EXTL1: variants seen among roughly 807,000 people sequenced by gnomAD.
EXTL1 encodes the protein exostosin like glycosyltransferase 1.
A neutral mutation model predicts 64.6 loss-of-function variants in EXTL1; 43 were observed. The ratio of observed to expected loss-of-function variants is 0.67; its 90% confidence interval spans 0.52 to 0.86. The LOEUF is 0.86. Among genes scored for constraint, EXTL1 ranks in the 40% least tolerant of loss-of-function variants. EXTL1 has a pLI of 0.00. For synonymous variants in EXTL1, 352 were observed against 360.5 expected (o/e 0.98, Z 0.27); for missense variants, 766 against 879.0 (o/e 0.87, Z 1.62).
rs370514599 is a variant in EXTL1, at chr1:26,035,699, G to A, written c.*352G>A. The A allele has an allele frequency of 7.7e-4, 186 of 240,230 alleles. No individual in the cohort carries two copies. The highest frequency in any genetic ancestry group is 3.4e-3 in the African/African-American group (150 of 44,698). The allele number at this position is 240,230 out of a possible 1,614,324, so 14.9% of individuals were successfully genotyped here. A position where few individuals can be genotyped will look rare whatever the true frequency, so the allele number is the denominator to read the frequency against. On this transcript the variant is annotated 3_prime_UTR_variant, in exon 11 of 11. Coordinates refer to ENST00000374280, the MANE Select transcript of EXTL1 (RefSeq NM_004455.3). The surrounding 1 kb of genome is among the most constrained non-coding windows in gnomAD (Gnocchi z 5.3). ...TGGGTTCGGTCTCCTTTGCGCTTTC[G>A]CAGTCCAGTGTTTGCCGCGGTTCCC...
Position 26,022,936 on chromosome 1 carries a change from A to T in EXTL1, c.290A>T (p.Lys97Met). 1 of 1,614,128 alleles carries T rather than the reference A, an allele frequency of 6.2e-7. No homozygotes were observed. The highest frequency in any genetic ancestry group is 8.5e-7 in the Non-Finnish European group (1 of 1,180,028). ...DTSKCRGDGL[K>M]VFVYPAVGTI... ...TCAAAGTGCAGGGGCGATGGCCTTAAGGTATTCGTGTACCCAGCGGTTGGA... is the reference window on the plus strand; with the variant it reads ...TCAAAGTGCAGGGGCGATGGCCTTATGGTATTCGTGTACCCAGCGGTTGGA... The change falls in exon 1 of 11, where the codon AAG becomes ATG. Residue 97 changes from lysine to methionine, a missense_variant. Physicochemically the swap from Lys to Met is moderately conservative, Grantham distance 95. This residue lies in a region of EXTL1 where 571 missense variants were observed against 647.6 expected (regional missense o/e 0.88). Coordinates refer to ENST00000374280, the MANE Select transcript of EXTL1 (RefSeq NM_004455.3).
chr1:26,030,696 C>G lies in EXTL1; in HGVS notation c.1101+101C>G, dbSNP rs181909741. On this transcript the variant is annotated intron_variant, in intron 4 of 10. Coordinates refer to ENST00000374280, the MANE Select transcript of EXTL1 (RefSeq NM_004455.3). ...CCACAGTGTTTGGGGAACCCCCCCC[C>G]CTTCCTTGAAGATGGTCCTGGGATG... is the stretch of plus-strand genomic sequence containing the variant. The G allele has an allele frequency of 6.3e-5, 85 of 1,350,106 alleles. 1 individual carries two copies. Among genetic ancestry groups the G allele is most frequent in the South Asian group, 2.5e-4 (17 of 69,362 alleles). The allele number at this position is 1,350,106 out of a possible 1,614,324, so 83.6% of individuals were successfully genotyped here.
chr1:26,030,330 C>CTTTTTTTTT (rs1213800896), intron 3 of EXTL1, 146 bp from the exon 4 acceptor site: 1 of 363,338 alleles, frequency 2.8e-6, no homozygotes, highest in African/African-American at 2.6e-5. Context: ...CTGAATGCTT[C>CTTTTTTTTT]TTTTTTTTTT....
chr1:26,031,691 A>G (rs2050289349), intron 6 of EXTL1, 125 bp downstream of exon 6: 2 of 509,232 alleles, frequency 3.9e-6, no homozygotes, highest in Non-Finnish European at 3.3e-6. Flanking sequence ...GAAGATTTCC[A>G]AGTGTTCTTG....
rs762045887 is a variant in EXTL1, at chr1:26,033,481, G to A, written c.1518+166G>A. Among the ~76,000 whole-genome samples, 3 of 152,154 alleles carry A rather than the reference G, an allele frequency of 2.0e-5. No individual in the cohort carries two copies. Among genetic ancestry groups the A allele is most frequent in the Non-Finnish European group, 4.4e-5 (3 of 68,018 alleles). ...AGGCAGCCTCCTCTTTAGGAGTCTCGTTGAGGCTTTCCATGGACTCTTTTG... is the reference window on the plus strand; with the variant it reads ...AGGCAGCCTCCTCTTTAGGAGTCTCATTGAGGCTTTCCATGGACTCTTTTG... On this transcript the variant is annotated intron_variant, in intron 8 of 10. Transcript: ENST00000374280. The surrounding 1 kb of genome is among the most constrained non-coding windows in gnomAD (Gnocchi z 5.1).
Position 26,025,046 on chromosome 1 carries a change from C to T in EXTL1, c.779+1621C>T, listed in dbSNP as rs964377696. 4.7e-4 allele frequency among the ~76,000 whole-genome samples: 72 copies of T among 152,124 alleles called. 1 individual carries two copies. The highest frequency in any genetic ancestry group is 9.4e-4 in the Non-Finnish European group (64 of 68,018). ...TTTGATAAGTTTTATTTCCCAGGGG[C>T]GAAGCTTGGCAGCCTTGGACTCTGA... On this transcript the variant is annotated intron_variant, in intron 1 of 10. Coordinates refer to ENST00000374280, the MANE Select transcript of EXTL1 (RefSeq NM_004455.3). The surrounding 1 kb of genome is among the most constrained non-coding windows in gnomAD (Gnocchi z 5.3).
At position 26,035,082 on chromosome 1, in the gene EXTL1, A is replaced by G; in HGVS notation, c.1848+78A>G. 1 of 1,595,238 alleles carries G rather than the reference A, an allele frequency of 6.3e-7. No individual in the cohort carries two copies. The highest frequency in any genetic ancestry group is 8.6e-7 in the Non-Finnish European group (1 of 1,166,910). ...GGAGAGGATTCCCTCTCACTGTCTAATTCCAGTCTTTCTTGCTGCACGGGC... is the reference window on the plus strand; with the variant it reads ...GGAGAGGATTCCCTCTCACTGTCTAGTTCCAGTCTTTCTTGCTGCACGGGC... On this transcript the variant is annotated intron_variant, in intron 10 of 10. Transcript: ENST00000374280. This position sits in a 1 kb window ranked among gnomAD's most constrained non-coding sequence, Gnocchi z 5.3.
intron 1 of EXTL1, among the ~76,000 whole-genome samples, chr1:26,028,633 C>A (rs1484482422): frequency 6.6e-6 from 1 of 151,394 alleles, no homozygotes; most frequent in African/African-American, 2.4e-5. Context: ...GTGGGAGGAA[C>A]AGAGGGAGCC....
Position 26,023,252 on chromosome 1 carries a change from T to C in EXTL1, c.606T>C (p.Pro202=). ...PGFDVALPFL[P]EAHPLRGGAP... ...TTGATGTGGCCCTCCCTTTTCTCCC[T>C]GAAGCCCACCCGTTGCGAGGTGGGG... The change falls in exon 1 of 11, where the codon CCT becomes CCC. Residue 202 remains proline (P), a synonymous_variant. Transcript: ENST00000374280. 1 of 1,596,426 alleles carries C rather than the reference T, an allele frequency of 6.3e-7. No homozygotes were observed. The highest frequency in any genetic ancestry group is 8.6e-7 in the Non-Finnish European group (1 of 1,168,254).
chr1:26,032,628 A>C (rs2050300193), intron 7 of EXTL1, 143 bp downstream of exon 7: 1 of 613,192 alleles, frequency 1.6e-6, no homozygotes, highest in Non-Finnish European at 2.9e-6. Context: ...CACAGGGCTA[A>C]TAGTAATGAT....
At chr1:26,029,158 CAT>C (rs779297470) in intron 1 of EXTL1, 33 bp from the exon 2 acceptor site, 51 of 1,531,390 alleles carry the variant, frequency 3.3e-5, no homozygotes, top group Non-Finnish European at 4.6e-5. Context: ...TGTCCAGGCT[CAT>C]GTGTGGTGGG....
intron 1 of EXTL1, among the ~76,000 whole-genome samples, chr1:26,028,279 T>TC (rs2050240112): frequency 6.6e-6 from 1 of 152,234 alleles, no homozygotes; most frequent in South Asian, 2.1e-4. Flanking sequence ...CCTGAGCCAG[T>TC]CCTTGGGTCT....
intron 1 of EXTL1, among the ~76,000 whole-genome samples, chr1:26,026,397 G>A (rs1453253194): frequency 2.6e-5 from 4 of 151,260 alleles, no homozygotes; most frequent in African/African-American, 9.7e-5. Flanking sequence ...GGGTTCAAGC[G>A]ATTCCCCTGC....
rs1031638309 is a variant in EXTL1, at chr1:26,035,527, C to A, written c.*180C>A. ...GGGCGTGGCCTTACCTTCTCCTGCTCGCCCTCAGCCGCGGAGCCTCTGCGG... is the reference window on the plus strand; with the variant it reads ...GGGCGTGGCCTTACCTTCTCCTGCTAGCCCTCAGCCGCGGAGCCTCTGCGG... On this transcript the variant is annotated 3_prime_UTR_variant, in exon 11 of 11. Transcript: ENST00000374280. This position sits in a 1 kb window ranked among gnomAD's most constrained non-coding sequence, Gnocchi z 5.3. The A allele has an allele frequency of 1.2e-5, 6 of 482,540 alleles. No individual in the cohort carries two copies. Among genetic ancestry groups the A allele is most frequent in the African/African-American group, 5.9e-5 (3 of 51,048 alleles). 29.9% of individuals were successfully genotyped at this position (482,540 alleles called of 1,614,324 possible).
chr1:26,031,013 T>A, intron 4 of EXTL1, 119 bp from the exon 5 acceptor site: 6 of 1,277,406 alleles, frequency 4.7e-6, no homozygotes, highest in Non-Finnish European at 6.7e-6. Flanking sequence ...TACTCTAGAC[T>A]CAGCTTCTGA....
intron 1 of EXTL1, among the ~76,000 whole-genome samples, chr1:26,024,838 C>T (rs980860838): frequency 6.6e-6 from 1 of 152,196 alleles, no homozygotes; most frequent in South Asian, 2.1e-4. Flanking sequence ...TTAGTTACCG[C>T]TAAGCACAGT....
intron 1 of EXTL1, among the ~76,000 whole-genome samples, chr1:26,026,298 T>A (rs796112847): frequency 6.6e-3 from 6 of 914 alleles, no homozygotes; most frequent in Non-Finnish European, 0.012. Context: ...AAGAAAAAAA[T>A]TTTTTTTTTT....
intron 1 of EXTL1, among the ~76,000 whole-genome samples, chr1:26,023,793 G>A (rs1166953845): frequency 2.6e-5 from 4 of 152,126 alleles, no homozygotes; most frequent in Non-Finnish European, 5.9e-5. Flanking sequence ...TATGCTAGTT[G>A]TTAGCATTTA....
intron 1 of EXTL1, 25 bp from the exon 2 acceptor site, chr1:26,029,168 G>T: frequency 6.4e-7 from 1 of 1,572,446 alleles, no homozygotes; most frequent in African/African-American, 1.3e-5. Flanking sequence ...CATGTGTGGT[G>T]GGACCTCCCC....
Sources: gnomAD v4.1 joint callset for allele counts (sites outside exome capture counted in the v4.1 genomes callset) on GRCh38, gnomAD v4.1.1 for gene constraint, gnomAD v4.1.1 regional missense constraint, Gnocchi (gnomAD v3.1) non-coding constraint, MANE v1.5 for transcripts, NCBI Gene and HGNC (gene_info 2026-07-23, HGNC 2026-07-21) for gene names.